Variants in ATP1A3 observed in about 807,000 individuals in gnomAD.
ATP1A3 encodes sodium/potassium-transporting ATPase subunit alpha-3.
In ATP1A3, 12 loss-of-function variants were observed where a neutral mutation model predicts 108.8. The observed-to-expected ratio is 0.11, with a 90% CI of 0.07 to 0.18. The LOEUF is 0.18. ATP1A3 is among the 10% of genes least tolerant of loss of function. ATP1A3 has a pLI of 1.00. For synonymous variants in ATP1A3, 539 were observed against 564.5 expected (o/e 0.95, Z 0.64); for missense variants, 498 against 1,387.7 (o/e 0.36, Z 10.19).
intron 8 of ATP1A3, 151 bp downstream of exon 8, chr19:41,984,767 C>T: frequency 1.2e-6 from 1 of 834,982 alleles, no homozygotes; most frequent in Non-Finnish European, 1.7e-6. Flanking sequence ...GGGTCCAGAT[C>T]CCAGCCCCTC....
intron 14 of ATP1A3, among the ~76,000 whole-genome samples, chr19:41,977,532 CA>C (rs367832047): frequency 0.17 from 23,267 of 137,310 alleles, 2,049 homozygotes; most frequent in South Asian, 0.31. Flanking sequence ...ACTAAAAATA[CA>C]AAAAAAAAAA....
chr19:41,967,728 G>A lies in ATP1A3; in HGVS notation c.2855C>T (p.Thr952Met). ...GTAGGACAGGAAGGCAGCCAGGGCC[G>A]TCTCCTCAAACAGCCCGAAGATCAG... ...KILIFGLFEE[T>M]ALAAFLSYCP... Residue 952 changes from threonine (T) to methionine (M), a missense_variant, in exon 21 of 23, where the codon ACG (threonine) becomes ATG (methionine). Thr to Met is a moderately conservative substitution (Grantham distance 81). Transcript: ENST00000648268. The surrounding 1 kb of genome is among the most constrained non-coding windows in gnomAD (Gnocchi z 4.2). 1 of 1,613,986 alleles carries A rather than the reference G, an allele frequency of 6.2e-7. No homozygotes were observed. The highest frequency in any genetic ancestry group is 8.5e-7 in the Non-Finnish European group (1 of 1,179,938).
Position 41,977,968 on chromosome 19 carries a change from C to T in ATP1A3, c.1911G>A (p.Arg637=), listed in dbSNP as rs2075189792. ...TAACCTGGCTGACGGGAATGTTGAGCCGGGCGGCGATGTCCTCCACAGTCT... is the reference window on the plus strand; with the variant it reads ...TAACCTGGCTGACGGGAATGTTGAGTCGGGCGGCGATGTCCTCCACAGTCT... ...GNETVEDIAA[R]LNIPVSQVNP... is the part of the protein sequence containing the mutation. Residue 637 remains arginine, a synonymous_variant, in exon 14 of 23, where the codon CGG becomes CGA. Transcript: ENST00000648268. 2.5e-6 allele frequency: 4 copies of T among 1,614,226 alleles called. No individual in the cohort carries two copies. The highest frequency in any genetic ancestry group is 3.4e-6 in the Non-Finnish European group (4 of 1,180,032).
intron 16 of ATP1A3, among the ~76,000 whole-genome samples, chr19:41,973,735 C>A (rs549799023): frequency 6.6e-6 from 1 of 152,370 alleles, no homozygotes; most frequent in East Asian, 1.9e-4. Context: ...CCTGTGAGAA[C>A]AGGGATGGTG....
intron 1 of ATP1A3, among the ~76,000 whole-genome samples, chr19:41,991,249 C>A (rs2075335473): frequency 6.6e-6 from 1 of 152,158 alleles, no homozygotes; most frequent in African/African-American, 2.4e-5. Context: ...TTGTAGAGGG[C>A]CTGAGCTGCC....
Position 41,994,193 on chromosome 19 carries a change from T to C in ATP1A3, c.-117A>G. 1 of 842,776 alleles carries C rather than the reference T, an allele frequency of 1.2e-6. No homozygotes were observed. The highest frequency in any genetic ancestry group is 1.7e-6 in the Non-Finnish European group (1 of 594,826). The allele number at this position is 842,776 out of a possible 1,614,324, so 52.2% of individuals were successfully genotyped here. On this transcript the variant is annotated 5_prime_UTR_variant, in exon 1 of 23. Transcript: ENST00000648268. ...GCCCGCGCCTCGGTAGGTGCGCGCG[T>C]CCGTCCGTCCGTCCGTTGGTCCCAC...
At position 41,985,245 on chromosome 19, in the gene ATP1A3, AC is replaced by A. The variant is rs2075275644; in HGVS notation, c.724+60del. 3.7e-6 allele frequency: 6 copies of A among 1,613,034 alleles called. No homozygotes were observed. The highest frequency in any genetic ancestry group is 2.2e-5 in the East Asian group (1 of 44,820). On this transcript the variant is annotated intron_variant, in intron 7 of 22. Coordinates refer to ENST00000648268, the MANE Select transcript of ATP1A3 (RefSeq NM_152296.5). This position sits in a 1 kb window ranked among gnomAD's most constrained non-coding sequence, Gnocchi z 8.2. ...GGCTCAGGGAGGTTCTGGAGGCCTG[AC>A]CCCCTGGGACACATCCCTGTGTCTG...
chr19:41,974,341 C>T (rs62119575), intron 16 of ATP1A3, among the ~76,000 whole-genome samples: 1 of 151,936 alleles, frequency 6.6e-6, no homozygotes, highest in East Asian at 1.9e-4. Context: ...TACTTAGGGG[C>T]CTGAGGCAGG....
At chr19:41,977,860 G>A (rs2075188186) in intron 14 of ATP1A3, 76 bp downstream of exon 14, 4 of 1,575,488 alleles carry the variant, frequency 2.5e-6, no homozygotes, top group East Asian at 2.2e-5. Flanking sequence ...TGCAGAGGGA[G>A]GTTGGGGGGA....
In ATP1A3 at chr19:41,967,847, G is replaced by T; in HGVS notation, c.2820-84C>A. ...CCGCAGAGACAGGGGGAGGCACAGT[G>T]CAGACACCCAGAGACAGCAGCACAG... On this transcript the variant is annotated intron_variant, in intron 20 of 22. Coordinates refer to ENST00000648268, the MANE Select transcript of ATP1A3 (RefSeq NM_152296.5). The surrounding 1 kb of genome is among the most constrained non-coding windows in gnomAD (Gnocchi z 4.2). 8.4e-7 allele frequency: 1 copy of T among 1,190,084 alleles called. No individual in the cohort carries two copies. The highest frequency in any genetic ancestry group is 1.2e-6 in the Non-Finnish European group (1 of 810,316). 73.7% of individuals were successfully genotyped at this position (1,190,084 alleles called of 1,614,324 possible).
intron 1 of ATP1A3, among the ~76,000 whole-genome samples, chr19:41,991,140 G>A (rs958933706): frequency 3.9e-5 from 6 of 152,210 alleles, no homozygotes; most frequent in African/African-American, 9.6e-5. Context: ...GGGGTGGGGC[G>A]AGGCTGGGTG....
chr19:41,977,902 A>C (rs782278209), intron 14 of ATP1A3, 34 bp downstream of exon 14: 2 of 1,612,754 alleles, frequency 1.2e-6, no homozygotes, highest in Non-Finnish European at 1.7e-6. Flanking sequence ...CCCTAGAGGG[A>C]TGTCCAGGGC....
Position 41,988,747 on chromosome 19 carries a change from A to G in ATP1A3, c.7-185T>C. 2 of 1,246,246 alleles carry G rather than the reference A, an allele frequency of 1.6e-6. No homozygotes were observed. Among genetic ancestry groups the G allele is most frequent in the Non-Finnish European group, 2.2e-6 (2 of 920,752 alleles). The allele number at this position is 1,246,246 out of a possible 1,614,324, so 77.2% of individuals were successfully genotyped here. On this transcript the variant is annotated intron_variant, in intron 1 of 22. Transcript: ENST00000648268. This position sits in a 1 kb window ranked among gnomAD's most constrained non-coding sequence, Gnocchi z 5.3. The stretch of plus-strand genomic sequence containing the variant: ...TCTCCCGGAGCCTCTGGGTGACTTC[A>G]CCTCCCTTCTGCCTCTGGTGACTCT...
Position 41,985,548 on chromosome 19 carries a change from T to C in ATP1A3, c.607-125A>G. On this transcript the variant is annotated intron_variant, in intron 6 of 22. Transcript: ENST00000648268. The surrounding 1 kb of genome is among the most constrained non-coding windows in gnomAD (Gnocchi z 8.2). Reference sequence around the variant, plus strand: ...CACAGCTAGAAGCCTGGGTGCCCAGTGGGTGAGTGGTGTGTGGGAGGCCAG... The same window carrying C: ...CACAGCTAGAAGCCTGGGTGCCCAGCGGGTGAGTGGTGTGTGGGAGGCCAG... The C allele has an allele frequency of 9.9e-7, 1 of 1,007,714 alleles. No homozygotes were observed. Among genetic ancestry groups the C allele is most frequent in the Non-Finnish European group, 1.5e-6 (1 of 649,782 alleles). The allele number at this position is 1,007,714 out of a possible 1,614,324, so 62.4% of individuals were successfully genotyped here. A position where few individuals can be genotyped will look rare whatever the true frequency, so the allele number is the denominator to read the frequency against.
Position 41,981,915 on chromosome 19 carries a change from G to A in ATP1A3, c.1185C>T (p.Asp395=), listed in dbSNP as rs1215504646. Residue 395 remains aspartate (D), a synonymous_variant, in exon 9 of 23, where the codon GAC becomes GAT. Coordinates refer to ENST00000648268, the MANE Select transcript of ATP1A3 (RefSeq NM_152296.5). The surrounding 1 kb of genome is among the most constrained non-coding windows in gnomAD (Gnocchi z 5.0). ...CCCGGGGCCTGCGCTCACCTGACTG[G>A]TCCTCAGTGGTGTCAGCCTCGTGGA... ...NQIHEADTTE[D]QSGTSFDKSS... 2 of 1,614,224 alleles carry A rather than the reference G, an allele frequency of 1.2e-6. No homozygotes were observed. Among genetic ancestry groups the A allele is most frequent in the Non-Finnish European group, 1.7e-6 (2 of 1,180,036 alleles).
chr19:41,978,406 C>A lies in ATP1A3; in HGVS notation c.1631-80G>T. On this transcript the variant is annotated intron_variant, in intron 12 of 22. Coordinates refer to ENST00000648268, the MANE Select transcript of ATP1A3 (RefSeq NM_152296.5). The surrounding 1 kb of genome is among the most constrained non-coding windows in gnomAD (Gnocchi z 8.3). Reference sequence around the variant, plus strand: ...CATGCCCCTAGATGTCTGCATCGCCCGCATTCCATCTCCCCATCAGCAAGA... The same window carrying A: ...CATGCCCCTAGATGTCTGCATCGCCAGCATTCCATCTCCCCATCAGCAAGA... 1 of 1,515,998 alleles carries A rather than the reference C, an allele frequency of 6.6e-7. No individual in the cohort carries two copies. The highest frequency in any genetic ancestry group is 2.4e-5 in the East Asian group (1 of 41,006). The allele number at this position is 1,515,998 out of a possible 1,614,324, so 93.9% of individuals were successfully genotyped here.
chr19:41,990,694 ATC>A (rs782137342), intron 1 of ATP1A3, among the ~76,000 whole-genome samples: 62 of 116,380 alleles, frequency 5.3e-4, no homozygotes, highest in Middle Eastern at 0.011. Flanking sequence ...ATATATATAT[ATC>A]TGTCTCTTTT....
chr19:41,993,817 G>A lies in ATP1A3; in HGVS notation c.6+254C>T. On this transcript the variant is annotated intron_variant, in intron 1 of 22. Transcript: ENST00000648268. ...TGCACATGCAACCGCACAAGGTCAG[G>A]CGGAGATGCTGAGGGCTGGCCCACA... 4.5e-6 allele frequency: 3 copies of A among 665,086 alleles called. No individual in the cohort carries two copies. The South Asian group carries it at 5.8e-5, about 13-fold the overall frequency. 41.2% of individuals were successfully genotyped at this position (665,086 alleles called of 1,614,324 possible).
At chr19:41,977,866 G>A in intron 14 of ATP1A3, 70 bp downstream of exon 14, 2 of 1,583,374 alleles carry the variant, frequency 1.3e-6, no homozygotes, top group Non-Finnish European at 1.7e-6. Flanking sequence ...GGGAGGTTGG[G>A]GGGAAGCGGT....
Sources: allele counts gnomAD v4.1 joint callset (sites outside exome capture counted in the v4.1 genomes callset), GRCh38; gene constraint gnomAD v4.1.1; non-coding constraint Gnocchi (gnomAD v3.1); transcripts MANE v1.5; gene names NCBI Gene and HGNC (gene_info 2026-07-23, HGNC 2026-07-21).